Variants in XKR9 observed in about 807,000 individuals in gnomAD.
XKR9 encodes XK-related protein 9.
A neutral mutation model predicts 32.0 loss-of-function variants in XKR9; 32 were observed. The observed-to-expected ratio is 1.00, with a 90% CI of 0.76 to 1.34. The LOEUF (loss-of-function observed/expected upper bound fraction) is 1.34. Ranked by LOEUF, XKR9 falls within the 40% of genes most tolerant of loss-of-function variation. The pLI is 0.00. For synonymous variants in XKR9, 168 were observed against 143.4 expected (o/e 1.17, Z -1.22); for missense variants, 546 against 429.7 (o/e 1.27, Z -2.39).
the XKR9 span, among the ~76,000 whole-genome samples, chr8:70,816,532 A>C: frequency 6.6e-6 from 1 of 152,242 alleles, no homozygotes; most frequent in Non-Finnish European, 1.5e-5. Flanking sequence ...ATGTGGTATT[A>C]CTGTGAGATA....
chr8:70,933,618 T>C, the XKR9 span, among the ~76,000 whole-genome samples: 9 of 152,084 alleles, frequency 5.9e-5, no homozygotes, highest in Non-Finnish European at 1.3e-4. Context: ...TCCTTTTGTA[T>C]CACTGTTTCT....
the XKR9 span, among the ~76,000 whole-genome samples, chr8:70,956,660 C>A: frequency 2.0e-5 from 3 of 152,268 alleles, no homozygotes; most frequent in East Asian, 5.8e-4. Context: ...CCCCAGCCCC[C>A]CTCCCGTGCC....
At chr8:70,906,887 T>C in the XKR9 span, among the ~76,000 whole-genome samples, 3 of 152,124 alleles carry the variant, frequency 2.0e-5, no homozygotes, top group Admixed American at 1.3e-4. Context: ...TATTTTAAAC[T>C]TTATATATAG....
the XKR9 span, among the ~76,000 whole-genome samples, chr8:71,021,475 TC>T: frequency 6.6e-6 from 1 of 151,612 alleles, no homozygotes; most frequent in South Asian, 2.1e-4. Flanking sequence ...TTGTAGGTTG[TC>T]TGTTTACTCT....
intron 4 of XKR9, among the ~76,000 whole-genome samples, chr8:70,712,367 ATAG>A (rs1805947727): frequency 6.6e-6 from 1 of 152,170 alleles, no homozygotes; most frequent in Non-Finnish European, 1.5e-5. Flanking sequence ...GGAAAGCAGC[ATAG>A]TTAAGTAGGA....
At chr8:71,006,094 C>T in the XKR9 span, among the ~76,000 whole-genome samples, 1 of 152,316 alleles carries the variant, frequency 6.6e-6, no homozygotes, top group Admixed American at 6.5e-5. Context: ...AACTTCCAGG[C>T]CTTTCAGGCC....
the XKR9 span, among the ~76,000 whole-genome samples, chr8:70,884,339 A>G: frequency 2.0e-5 from 3 of 152,080 alleles, no homozygotes; most frequent in Non-Finnish European, 4.4e-5. Flanking sequence ...TCACTCTTTG[A>G]ATTGTGTCTT....
the XKR9 span, among the ~76,000 whole-genome samples, chr8:70,990,632 A>T: frequency 6.6e-6 from 1 of 152,156 alleles, no homozygotes; most frequent in Non-Finnish European, 1.5e-5. Context: ...GTTCCATTTT[A>T]ACCCAAATTG....
At chr8:70,780,888 C>A (rs534008205) in intron 2 of XKR9, 1 of 148,370 alleles carries the variant, frequency 6.7e-6, no homozygotes, top group African/African-American at 2.4e-5. Context: ...ACCAACAATT[C>A]TCTTCCTTTT....
the XKR9 span, among the ~76,000 whole-genome samples, chr8:70,961,999 T>G: frequency 1.3e-5 from 2 of 152,298 alleles, no homozygotes; most frequent in Non-Finnish European, 2.9e-5. Context: ...AATATTAGAT[T>G]TATGAATTCA....
the XKR9 span, among the ~76,000 whole-genome samples, chr8:71,053,692 C>T: frequency 1.3e-5 from 2 of 152,262 alleles, no homozygotes; most frequent in African/African-American, 4.8e-5. Context: ...AGTCAAAGGA[C>T]AGAGGTTATT....
At chr8:70,935,522 G>A in the XKR9 span, among the ~76,000 whole-genome samples, 10 of 151,874 alleles carry the variant, frequency 6.6e-5, no homozygotes, top group South Asian at 6.2e-4. Context: ...TTTCCCCCTC[G>A]TATTTGCTGG....
chr8:70,717,833 T>G (rs1423204849), intron 4 of XKR9, among the ~76,000 whole-genome samples: 1 of 152,198 alleles, frequency 6.6e-6, no homozygotes, highest in Non-Finnish European at 1.5e-5. Flanking sequence ...CTGCAAATTT[T>G]CCAAACTTTT....
chr8:70,681,115 A>G lies in XKR9; in HGVS notation c.57A>G (p.Val19=), dbSNP rs1286272173. ...CAGTTCTTGGCATTATAATCTACGT[A>G]ACTGATTTAATTGTGGACATATGGG... ...MMSVLGIIIY[V]TDLIVDIWVS... Residue 19 remains valine (V), a synonymous_variant, in exon 3 of 5, where the codon GTA becomes GTG. Transcript: ENST00000408926. 1.2e-6 allele frequency: 2 copies of G among 1,613,432 alleles called. No homozygotes were observed. The highest frequency in any genetic ancestry group is 2.2e-5 in the South Asian group (2 of 91,048).
chr8:71,062,079 CA>C, the XKR9 span, among the ~76,000 whole-genome samples: 1 of 152,164 alleles, frequency 6.6e-6, no homozygotes, highest in Non-Finnish European at 1.5e-5. Context: ...TGGTCTTTGG[CA>C]AAAGCAACTG....
At chr8:70,902,044 T>C in the XKR9 span, among the ~76,000 whole-genome samples, 15 of 152,270 alleles carry the variant, frequency 9.9e-5, no homozygotes, top group African/African-American at 3.6e-4. Context: ...CATGCTGTTT[T>C]GGTTACTGTA....
chr8:70,978,333 T>A, the XKR9 span, among the ~76,000 whole-genome samples: 2 of 152,208 alleles, frequency 1.3e-5, no homozygotes, highest in South Asian at 4.1e-4. Flanking sequence ...CTAGCATCGA[T>A]GGTCTTTAGA....
the XKR9 span, among the ~76,000 whole-genome samples, chr8:71,042,795 G>C: frequency 6.6e-6 from 1 of 152,162 alleles, no homozygotes; most frequent in Non-Finnish European, 1.5e-5. Flanking sequence ...CTAAATCCAA[G>C]GTCCTTCGTT....
chr8:70,794,542 T>C (rs1463931476), downstream of XKR9, among the ~76,000 whole-genome samples: 1 of 152,136 alleles, frequency 6.6e-6, no homozygotes, highest in East Asian at 1.9e-4. Context: ...GTTTGTTGAA[T>C]GCTTTTATAA....
Sources: gnomAD v4.1 joint callset for allele counts (sites outside exome capture counted in the v4.1 genomes callset) on GRCh38, gnomAD v4.1.1 for gene constraint, MANE v1.5 for transcripts, NCBI Gene and HGNC (gene_info 2026-07-23, HGNC 2026-07-21) for gene names.